Variants in SOBP observed in about 807,000 individuals in gnomAD.
SOBP encodes sine oculis-binding protein homolog.
A neutral mutation model predicts 53.6 loss-of-function variants in SOBP; 4 were observed. The ratio of observed to expected loss-of-function variants is 0.07; its 90% CI spans 0.04 to 0.17. SOBP has a LOEUF of 0.17. Ranked by LOEUF, SOBP falls within the 10% of genes least tolerant of loss-of-function variation. The pLI, the probability that SOBP is intolerant of heterozygous loss-of-function variation, is 1.00. For missense variants in SOBP, 1,088 were observed against 1,204.7 expected (o/e 0.90, Z 1.43); for synonymous variants, 584 against 522.6 (o/e 1.12, Z -1.60).
chr6:107,610,396 C>T (rs1786545432), intron 5 of SOBP, among the ~76,000 whole-genome samples: 1 of 152,124 alleles, frequency 6.6e-6, no homozygotes, highest in African/African-American at 2.4e-5. Flanking sequence ...GACTGGCCCA[C>T]AGAGGCAGCA....
chr6:107,560,959 T>G (rs1333468521), intron 4 of SOBP, among the ~76,000 whole-genome samples: 1 of 152,184 alleles, frequency 6.6e-6, no homozygotes, highest in African/African-American at 2.4e-5. Flanking sequence ...GAGACCATTG[T>G]CAATAATATA....
chr6:107,568,359 A>C (rs904126269), intron 4 of SOBP, among the ~76,000 whole-genome samples: 4 of 152,350 alleles, frequency 2.6e-5, no homozygotes, highest in African/African-American at 9.6e-5. Context: ...GAAATTTGAC[A>C]AACTAAAACC....
chr6:107,551,407 AT>A (rs1225062451), intron 4 of SOBP, among the ~76,000 whole-genome samples: 3 of 152,132 alleles, frequency 2.0e-5, no homozygotes. Context: ...TTGTTTTATA[AT>A]TTAGTACGCA....
At chr6:107,630,544 A>G (rs1770662141) in intron 5 of SOBP, among the ~76,000 whole-genome samples, 1 of 152,208 alleles carries the variant, frequency 6.6e-6, no homozygotes, top group African/African-American at 2.4e-5. Flanking sequence ...GCCTCACATG[A>G]TATAGCCATT....
At chr6:107,608,105 G>A (rs572895538) in intron 5 of SOBP, among the ~76,000 whole-genome samples, 66 of 152,224 alleles carry the variant, frequency 4.3e-4, no homozygotes, top group Non-Finnish European at 7.9e-4. Flanking sequence ...GGTCCTGAAG[G>A]AAGGATAGAT....
Position 107,506,327 on chromosome 6 carries a change from T to G in SOBP, c.321T>G (p.Thr107=), listed in dbSNP as rs1782991325. The G allele has an allele frequency of 3.7e-6, 6 of 1,614,216 alleles. No individual in the cohort carries two copies. In the East Asian group the frequency reaches 1.3e-4, roughly 36 times the overall value. ...NISTGYSGLA[T]GNGLSDSPAG... ...GCACAGGCTATTCAGGGCTTGCCAC[T>G]GGAAATGGACTCAGTGACTCACCTG... Residue 107 remains threonine (T), a synonymous_variant, in exon 3 of 7, where the codon ACT becomes ACG. Coordinates refer to ENST00000317357, the MANE Select transcript of SOBP (RefSeq NM_018013.4).
intron 3 of SOBP, among the ~76,000 whole-genome samples, chr6:107,527,528 T>C (rs1026354984): frequency 6.6e-6 from 1 of 152,236 alleles, no homozygotes; most frequent in African/African-American, 2.4e-5. Context: ...TACCCTTTTC[T>C]TGTGGTTCTA....
chr6:107,535,637 G>GTGT (rs1490854669), intron 4 of SOBP, among the ~76,000 whole-genome samples: 30 of 135,318 alleles, frequency 2.2e-4, no homozygotes, highest in South Asian at 4.8e-4. Context: ...GTGTGTGTGT[G>GTGT]TTTTTTTTTT....
intron 5 of SOBP, among the ~76,000 whole-genome samples, chr6:107,590,122 G>T (rs1785696648): frequency 6.6e-6 from 1 of 152,152 alleles, no homozygotes; most frequent in Non-Finnish European, 1.5e-5. Context: ...TCTGGCTAGA[G>T]GTGGGTTCAG....
intron 3 of SOBP, among the ~76,000 whole-genome samples, chr6:107,530,803 A>T (rs1025951118): frequency 2.9e-4 from 44 of 152,340 alleles, no homozygotes; most frequent in Non-Finnish European, 5.9e-4. Context: ...CAGCAGCCAG[A>T]TATAAAAGTG....
intron 5 of SOBP, among the ~76,000 whole-genome samples, chr6:107,605,303 C>T (rs578105562): frequency 3.4e-4 from 52 of 152,212 alleles, no homozygotes; most frequent in Non-Finnish European, 5.7e-4. Flanking sequence ...ATCTCCAGGC[C>T]CCCATGGGGC....
intron 5 of SOBP, among the ~76,000 whole-genome samples, chr6:107,603,977 G>T (rs1786276977): frequency 6.6e-6 from 1 of 152,218 alleles, no homozygotes; most frequent in African/African-American, 2.4e-5. Context: ...CTCACAGGCA[G>T]ACATGGGCAC....
intron 3 of SOBP, among the ~76,000 whole-genome samples, chr6:107,531,207 G>T (rs1423751613): frequency 6.6e-6 from 1 of 152,204 alleles, no homozygotes; most frequent in Non-Finnish European, 1.5e-5. Flanking sequence ...TAATGAGGGG[G>T]ACCTAATGCA....
At chr6:107,619,544 C>T (rs1157043992) in intron 5 of SOBP, among the ~76,000 whole-genome samples, 1 of 151,842 alleles carries the variant, frequency 6.6e-6, no homozygotes, top group East Asian at 1.9e-4. Context: ...TAGTGTTTCT[C>T]AGCATATACT....
At chr6:107,529,210 A>G (rs1006007738) in intron 3 of SOBP, among the ~76,000 whole-genome samples, 1 of 152,190 alleles carries the variant, frequency 6.6e-6, no homozygotes, top group Non-Finnish European at 1.5e-5. Flanking sequence ...TCAAAAAGGA[A>G]TTTCTTTTTT....
intron 5 of SOBP, among the ~76,000 whole-genome samples, chr6:107,613,213 G>A (rs180789933): frequency 3.9e-4 from 60 of 152,296 alleles, no homozygotes; most frequent in Admixed American, 2.2e-3. Context: ...GCAGCTTTCT[G>A]CATCCCAGCC....
chr6:107,639,864 G>A (rs1186926322), intron 6 of SOBP, among the ~76,000 whole-genome samples: 2 of 152,206 alleles, frequency 1.3e-5, no homozygotes, highest in African/African-American at 4.8e-5. Flanking sequence ...ATGTGTACAA[G>A]GAGTAACCCT....
chr6:107,606,717 A>C (rs1169612667), intron 5 of SOBP, among the ~76,000 whole-genome samples: 2 of 152,226 alleles, frequency 1.3e-5, no homozygotes, highest in Non-Finnish European at 2.9e-5. Context: ...CAGCGCCCTC[A>C]CTGGGATCCC....
chr6:107,646,645 G>A (rs1771574144), intron 6 of SOBP, among the ~76,000 whole-genome samples: 1 of 152,214 alleles, frequency 6.6e-6, no homozygotes, highest in African/African-American at 2.4e-5. Context: ...CTCAGCATCA[G>A]AATCAGATCC....
Sources: gnomAD v4.1 joint callset for allele counts (sites outside exome capture counted in the v4.1 genomes callset) on GRCh38, gnomAD v4.1.1 for gene constraint, MANE v1.5 for transcripts, NCBI Gene and HGNC (gene_info 2026-07-23, HGNC 2026-07-21) for gene names.